ARMC8: variants seen among roughly 807,000 people sequenced by gnomAD.
ARMC8 encodes the protein armadillo repeat-containing protein 8.
A neutral mutation model predicts 99.3 loss-of-function variants in ARMC8; 20 were observed. The ratio of observed to expected loss-of-function variants is 0.20; its 90% CI spans 0.14 to 0.29. The LOEUF (loss-of-function observed/expected upper bound fraction) is 0.29, where lower values mean the gene tolerates loss of function less well. Ranked by LOEUF, ARMC8 falls within the 10% of genes least tolerant of loss-of-function variation. The pLI is 1.00. For synonymous variants in ARMC8, 263 were observed against 278.3 expected (o/e 0.95, Z 0.55); for missense variants, 569 against 809.5 (o/e 0.70, Z 3.60).
At chr3:138,246,820 G>T (rs528240222) in intron 12 of ARMC8, 1 of 973,106 alleles carries the variant, frequency 1.0e-6, no homozygotes, top group African/African-American at 1.8e-5. Flanking sequence ...TAATTTCCTG[G>T]TAAGGCTAAC....
intron 1 of ARMC8, among the ~76,000 whole-genome samples, chr3:138,200,932 A>G (rs1348173392): frequency 2.0e-3 from 95 of 47,992 alleles, no homozygotes; most frequent in African/African-American, 6.9e-3. Context: ...TTTTTTTTTG[A>G]AATGGAGTCT....
intron 1 of ARMC8, among the ~76,000 whole-genome samples, chr3:138,199,146 G>A (rs902928129): frequency 7.9e-5 from 12 of 152,106 alleles, no homozygotes; most frequent in Admixed American, 5.2e-4. Flanking sequence ...TTAATCTTGG[G>A]AGGGAGGATG....
At chr3:138,284,387 G>T in intron 18 of ARMC8, 44 bp from the exon 19 acceptor site, 2 of 1,483,602 alleles carry the variant, frequency 1.3e-6, no homozygotes, top group Middle Eastern at 1.7e-4. Context: ...TTGACTCTGG[G>T]ACTTCAGAGC....
chr3:138,231,328 A>T (rs2046015543), intron 6 of ARMC8, among the ~76,000 whole-genome samples: 1 of 152,178 alleles, frequency 6.6e-6, no homozygotes, highest in Non-Finnish European at 1.5e-5. Flanking sequence ...TAGAATTTTA[A>T]GACTCATAGG....
chr3:138,263,772 G>A lies in ARMC8; in HGVS notation c.1168G>A (p.Val390Met). 1 of 1,614,036 alleles carries A rather than the reference G, an allele frequency of 6.2e-7. No individual in the cohort carries two copies. The highest frequency in any genetic ancestry group is 1.3e-5 in the African/African-American group (1 of 75,064). Residue 390 changes from valine (V) to methionine (M), a missense_variant, in exon 13 of 22, where the codon GTG becomes ATG. Physicochemically the swap from Val to Met is conservative, Grantham distance 21. This residue lies in a region of ARMC8 where 227 missense variants were observed against 417.9 expected (regional missense o/e 0.54). Transcript: ENST00000469044. The stretch of plus-strand genomic sequence containing the variant: ...GACTGAAAATATGATGGACCGAATT[G>A]TGACTGGCTTGTCTGAGTCTAGTGT... ...IETENMMDRI[V>M]TGLSESSVKV...
intron 2 of ARMC8, among the ~76,000 whole-genome samples, chr3:138,217,409 T>C (rs547180820): frequency 1.3e-5 from 2 of 152,086 alleles, no homozygotes; most frequent in African/African-American, 4.8e-5. Context: ...TCCTTTTTTT[T>C]TTTTTTTCTT....
At chr3:138,266,327 A>G (rs1413981892) in intron 14 of ARMC8, among the ~76,000 whole-genome samples, 1 of 152,074 alleles carries the variant, frequency 6.6e-6, no homozygotes, top group African/African-American at 2.4e-5. Context: ...CTATGCTTGG[A>G]ACACACTTGC....
At chr3:138,288,949 T>G in intron 19 of ARMC8, 99 bp from the exon 20 acceptor site, 2 of 955,926 alleles carry the variant, frequency 2.1e-6, no homozygotes, top group Non-Finnish European at 3.2e-6. Context: ...GCTTCAGACT[T>G]TTAGGTTATA....
intron 2 of ARMC8, among the ~76,000 whole-genome samples, chr3:138,219,727 G>C (rs568115612): frequency 6.6e-6 from 1 of 152,084 alleles, no homozygotes; most frequent in Non-Finnish European, 1.5e-5. Context: ...AAGCCAAAGC[G>C]AGAATCTTTT....
intron 1 of ARMC8, 163 bp downstream of exon 1, chr3:138,187,762 G>A (rs1043909105): frequency 3.1e-5 from 23 of 736,758 alleles, no homozygotes; most frequent in Non-Finnish European, 4.7e-5. Context: ...CGGGATAGAC[G>A]GGCAGAGGGG....
chr3:138,187,647 C>T (rs1436797456), intron 1 of ARMC8, 48 bp downstream of exon 1: 1 of 1,528,894 alleles, frequency 6.5e-7, no homozygotes, highest in Admixed American at 2.0e-5. Flanking sequence ...GAAGCCTCAT[C>T]CCGGTCTCCA....
At chr3:138,188,588 G>T in intron 1 of ARMC8, 1 of 1,609,368 alleles carries the variant, frequency 6.2e-7, no homozygotes, top group South Asian at 1.1e-5. Flanking sequence ...AATACTGATT[G>T]ACCATCTTTT....
chr3:138,279,599 T>C (rs1021464478), intron 18 of ARMC8, among the ~76,000 whole-genome samples: 11 of 152,164 alleles, frequency 7.2e-5, no homozygotes, highest in African/African-American at 2.7e-4. Flanking sequence ...TCTGCAAAAA[T>C]TTGTGAAGAA....
chr3:138,195,284 CA>C (rs945623878), intron 1 of ARMC8, among the ~76,000 whole-genome samples: 2,504 of 55,270 alleles, frequency 0.045, 19 homozygotes, highest in Admixed American at 0.061. Context: ...GACTCCGTCT[CA>C]AAAAAAAAAA....
At chr3:138,245,401 A>G (rs2046836172) in intron 12 of ARMC8, 1 of 1,387,410 alleles carries the variant, frequency 7.2e-7, no homozygotes, top group South Asian at 1.9e-5. Context: ...GGAATGACAA[A>G]TAACTGGCGT....
intron 12 of ARMC8, among the ~76,000 whole-genome samples, chr3:138,250,019 T>A (rs2047051393): frequency 6.6e-6 from 1 of 152,348 alleles, no homozygotes; most frequent in African/African-American, 2.4e-5. Flanking sequence ...ACATGAACTC[T>A]TAAGTTTTTG....
At chr3:138,205,295 C>A (rs2044310629) in intron 1 of ARMC8, among the ~76,000 whole-genome samples, 1 of 151,632 alleles carries the variant, frequency 6.6e-6, no homozygotes, top group Non-Finnish European at 1.5e-5. Context: ...GTGATCTGCC[C>A]GCCTCAGCCT....
chr3:138,216,300 G>A (rs1229705584), intron 2 of ARMC8, among the ~76,000 whole-genome samples: 2 of 152,106 alleles, frequency 1.3e-5, no homozygotes, highest in Non-Finnish European at 2.9e-5. Flanking sequence ...TTGATATTCA[G>A]TAAATGCCCA....
At chr3:138,263,883 T>C in intron 13 of ARMC8, 62 bp downstream of exon 13, 1 of 1,418,694 alleles carries the variant, frequency 7.0e-7, no homozygotes, top group Non-Finnish European at 1.0e-6. Context: ...GTTTCCTTTC[T>C]GGTCCTTCAC....
Sources: gnomAD v4.1 joint callset for allele counts (sites outside exome capture counted in the v4.1 genomes callset) on GRCh38, gnomAD v4.1.1 for gene constraint, gnomAD v4.1.1 regional missense constraint, MANE v1.5 for transcripts, NCBI Gene and HGNC (gene_info 2026-07-23, HGNC 2026-07-21) for gene names.